Variants in MKLN1 observed in about 807,000 individuals in gnomAD.
The protein encoded by MKLN1 is muskelin.
MKLN1 carries 18 observed loss-of-function variants against 99.0 expected under a neutral mutation model. The ratio of observed to expected loss-of-function variants is 0.18; its 90% CI spans 0.13 to 0.27. The LOEUF (loss-of-function observed/expected upper bound fraction) is 0.27, where lower values mean the gene tolerates loss of function less well. MKLN1 is among the 10% of genes least tolerant of loss of function. The pLI is 1.00. For missense variants in MKLN1, 621 were observed against 875.9 expected, an observed-to-expected ratio of 0.71 and a Z score of 3.67; for synonymous variants, 288 against 293.2, an observed-to-expected ratio of 0.98 and a Z score of 0.18.
At chr7:131,111,932 A>C (rs1436729758) in intron 1 of MKLN1, among the ~76,000 whole-genome samples, 1 of 152,262 alleles carries the variant, frequency 6.6e-6, no homozygotes, top group Non-Finnish European at 1.5e-5. Flanking sequence ...ACAAGGCTAC[A>C]CTACAAATAG....
intron 9 of MKLN1, among the ~76,000 whole-genome samples, chr7:131,437,152 G>A (rs1242666530): frequency 6.6e-6 from 1 of 151,944 alleles, no homozygotes; most frequent in African/African-American, 2.4e-5. Context: ...GTATACATGT[G>A]CCATGTTGGT....
At chr7:131,394,897 T>G (rs1190079318) in intron 4 of MKLN1, among the ~76,000 whole-genome samples, 4 of 152,100 alleles carry the variant, frequency 2.6e-5, no homozygotes, top group African/African-American at 9.7e-5. Flanking sequence ...TCTTGGACTT[T>G]TTACCCAGGT....
At chr7:131,248,513 A>G (rs1395508009) in intron 3 of MKLN1, among the ~76,000 whole-genome samples, 2 of 152,028 alleles carry the variant, frequency 1.3e-5, no homozygotes, top group East Asian at 1.9e-4. Context: ...TTTCACATAC[A>G]TTTTCTCATT....
rs533134308 is a variant in MKLN1, at chr7:131,195,949, A to AAAC, written c.-296-6890_-296-6888dup. On this transcript the variant is annotated intron_variant, in intron 2 of 7. Transcript: ENST00000416992. ...TGGAGACAGAGCTAGACTCCATCTC[A>AAAC]AACAACAACAACAACAACAAAAACC... Among the ~76,000 whole-genome samples the AAAC allele has an allele frequency of 1.6e-4, 24 of 152,250 alleles. No homozygotes were observed. The East Asian group carries it at 2.5e-3, about 16-fold the overall frequency.
intron 10 of MKLN1, among the ~76,000 whole-genome samples, chr7:131,442,388 A>G (rs561621206): frequency 3.3e-4 from 50 of 152,286 alleles, no homozygotes; most frequent in South Asian, 1.9e-3. Context: ...TCTCTACTAA[A>G]AATACAAAAT....
intron 1 of MKLN1, among the ~76,000 whole-genome samples, chr7:131,116,377 G>A (rs574249584): frequency 4.9e-4 from 74 of 152,080 alleles, no homozygotes; most frequent in African/African-American, 1.7e-3. Flanking sequence ...TATATTCTCT[G>A]AGCCTCACTT....
intron 10 of MKLN1, among the ~76,000 whole-genome samples, chr7:131,442,372 A>G (rs1795863342): frequency 6.6e-6 from 1 of 152,138 alleles, no homozygotes; most frequent in Admixed American, 6.5e-5. Flanking sequence ...ACATGGAGTA[A>G]CACCATCTCT....
At chr7:131,217,557 G>T (rs1797001432) in intron 3 of MKLN1, among the ~76,000 whole-genome samples, 1 of 152,206 alleles carries the variant, frequency 6.6e-6, no homozygotes, top group South Asian at 2.1e-4. Context: ...AATTAACCAG[G>T]TGTGGTTGTG....
At chr7:131,448,021 G>C (rs1242779803) in intron 12 of MKLN1, among the ~76,000 whole-genome samples, 1 of 152,182 alleles carries the variant, frequency 6.6e-6, no homozygotes, top group East Asian at 1.9e-4. Context: ...GAGGTCAGGA[G>C]ATCGAGACCA....
intron 3 of MKLN1, among the ~76,000 whole-genome samples, chr7:131,252,004 A>G (rs1478066069): frequency 6.6e-6 from 1 of 152,176 alleles, no homozygotes; most frequent in Non-Finnish European, 1.5e-5. Flanking sequence ...GCAACCAAAA[A>G]CAACAGTGCC....
intron 2 of MKLN1, among the ~76,000 whole-genome samples, chr7:131,189,076 G>T (rs550296674): frequency 6.6e-6 from 1 of 152,186 alleles, no homozygotes; most frequent in Non-Finnish European, 1.5e-5. Flanking sequence ...ATGGGTTAAA[G>T]GGATACGGAA....
intron 2 of MKLN1, among the ~76,000 whole-genome samples, chr7:131,172,855 A>G (rs1308380646): frequency 6.6e-6 from 1 of 152,182 alleles, no homozygotes; most frequent in Non-Finnish European, 1.5e-5. Flanking sequence ...TATTAATTCC[A>G]CTGTAAATCT....
chr7:131,333,838 A>G lies in MKLN1; in HGVS notation c.98+5841A>G, dbSNP rs555173105. On this transcript the variant is annotated intron_variant, in intron 1 of 17. Transcript: ENST00000352689. ...CAGCCACCACACCCAGCCTGGAAAA[A>G]AATTTTGAACTCATTGGTGATAAAT... Among the ~76,000 whole-genome samples the G allele has an allele frequency of 2.0e-5, 3 of 152,254 alleles. No homozygotes were observed. The East Asian group carries it at 5.8e-4, about 29-fold the overall frequency.
At chr7:131,396,609 C>T (rs1035069733) in intron 4 of MKLN1, among the ~76,000 whole-genome samples, 4 of 151,806 alleles carry the variant, frequency 2.6e-5, no homozygotes, top group Non-Finnish European at 5.9e-5. Context: ...TTTTTATTGC[C>T]TTATATTGCT....
In MKLN1 at chr7:131,414,706, A is replaced by G; in HGVS notation, c.843A>G (p.Gln281=). Residue 281 remains glutamine, a synonymous_variant, in exon 8 of 18, where the codon CAA becomes CAG. Coordinates refer to ENST00000352689, the MANE Select transcript of MKLN1 (RefSeq NM_013255.5). ...GCCATCAGATGGTTATTGATGTTCA[A>G]ACAGGTGAGTAGCAGTTGCAGTGGA... ...RGGHQMVIDV[Q]TETVYLFGGW... 1 of 1,597,430 alleles carries G rather than the reference A, an allele frequency of 6.3e-7. No homozygotes were observed. Among genetic ancestry groups the G allele is most frequent in the South Asian group, 1.1e-5 (1 of 90,176 alleles).
At chr7:131,342,796 C>T (rs1801755949) in intron 1 of MKLN1, among the ~76,000 whole-genome samples, 1 of 152,082 alleles carries the variant, frequency 6.6e-6, no homozygotes, top group South Asian at 2.1e-4. Flanking sequence ...TTTTCTACAA[C>T]CTAAAATGCT....
At chr7:131,165,277 C>G (rs1297299985) in intron 2 of MKLN1, among the ~76,000 whole-genome samples, 1 of 152,110 alleles carries the variant, frequency 6.6e-6, no homozygotes, top group Non-Finnish European at 1.5e-5. Context: ...CCTCTGCCTC[C>G]CAGGTTCAAG....
At chr7:131,330,606 T>C (rs1799043284) in intron 1 of MKLN1, among the ~76,000 whole-genome samples, 1 of 152,208 alleles carries the variant, frequency 6.6e-6, no homozygotes, top group African/African-American at 2.4e-5. Flanking sequence ...TTAACTATAG[T>C]GTTTTACTGC....
intron 1 of MKLN1, among the ~76,000 whole-genome samples, chr7:131,358,117 T>A (rs1799934475): frequency 6.6e-6 from 1 of 152,196 alleles, no homozygotes; most frequent in Non-Finnish European, 1.5e-5. Flanking sequence ...TAGAATTGCC[T>A]TATTCCCAGT....
Sources: allele counts gnomAD v4.1 joint callset (sites outside exome capture counted in the v4.1 genomes callset), GRCh38; gene constraint gnomAD v4.1.1; transcripts MANE v1.5; gene names NCBI Gene and HGNC (gene_info 2026-07-23, HGNC 2026-07-21).